The following FAT3 variants were observed in gnomAD, a reference collection of about 807,000 sequenced individuals.
The protein encoded by FAT3 is FAT atypical cadherin 3.
Under a neutral mutation model 310.2 loss-of-function variants are expected in FAT3, and 95 were observed. The observed-to-expected ratio is 0.31, with a 90% CI of 0.26 to 0.36. The LOEUF (loss-of-function observed/expected upper bound fraction) is 0.36, where lower values mean the gene tolerates loss of function less well. FAT3 is among the 10% of genes least tolerant of loss of function. The probability of loss-of-function intolerance (pLI) is 1.00; values close to 1 mark genes in which losing one functional copy is unlikely to be tolerated. For synonymous variants in FAT3, 2,314 were observed against 2,192.9 expected, an observed-to-expected ratio of 1.06 and a Z score of -1.54; for missense variants, 5,408 against 5,715.6, an observed-to-expected ratio of 0.95 and a Z score of 1.74.
At chr11:92,307,417 T>C (rs1947170126) in intron 1 of FAT3, among the ~76,000 whole-genome samples, 1 of 152,224 alleles carries the variant, frequency 6.6e-6, no homozygotes, top group African/African-American at 2.4e-5. Context: ...GAAAGCATTC[T>C]TGTATGCAGA....
At chr11:92,329,814 G>A (rs546559154) in intron 1 of FAT3, among the ~76,000 whole-genome samples, 1 of 4,310 alleles carries the variant, frequency 2.3e-4, no homozygotes, top group East Asian at 6.0e-3. Flanking sequence ...CAAACCTTTG[G>A]GAGCTTGCCT....
At chr11:92,455,344 G>A (rs1951469075) in intron 2 of FAT3, among the ~76,000 whole-genome samples, 1 of 152,148 alleles carries the variant, frequency 6.6e-6, no homozygotes, top group Admixed American at 6.6e-5. Flanking sequence ...TTGTGGCTCT[G>A]ACAAGCTCCT....
At chr11:92,573,850 G>A (rs891667084) in intron 3 of FAT3, among the ~76,000 whole-genome samples, 17 of 152,086 alleles carry the variant, frequency 1.1e-4, no homozygotes, top group African/African-American at 4.1e-4. Context: ...GAAAAAAAAT[G>A]TATGTTGTTT....
At chr11:92,227,176 A>T (rs1284235046) in intron 1 of FAT3, among the ~76,000 whole-genome samples, 2 of 151,730 alleles carry the variant, frequency 1.3e-5, no homozygotes, top group African/African-American at 4.8e-5. Flanking sequence ...AACCCAAACC[A>T]CTCGTGGCCA....
At chr11:92,683,830 TC>T (rs1490655104) in intron 3 of FAT3, among the ~76,000 whole-genome samples, 7 of 152,208 alleles carry the variant, frequency 4.6e-5, no homozygotes, top group Admixed American at 3.9e-4. Flanking sequence ...TAATATAATT[TC>T]AAACCTTAGT....
At position 92,601,504 on chromosome 11, in the gene FAT3, A is replaced by G. The variant is rs368809978; in HGVS notation, c.3607+76556A>G. Among the ~76,000 whole-genome samples, 7 of 152,352 alleles carry G rather than the reference A, an allele frequency of 4.6e-5. No individual in the cohort carries two copies. In the East Asian group the frequency reaches 1.4e-3, roughly 29 times the overall value. ...CAGCTACTTGGGAGGCTGAGGCAGG[A>G]GAATCACTTCAACCCAGGAGATGGA... On this transcript the variant is annotated intron_variant, in intron 3 of 27. Transcript: ENST00000525166.
chr11:92,353,835 A>T lies in FAT3; in HGVS notation c.1723A>T (p.Ser575Cys). 6.2e-7 allele frequency: 1 copy of T among 1,613,792 alleles called. No individual in the cohort carries two copies. Among genetic ancestry groups the T allele is most frequent in the Non-Finnish European group, 8.5e-7 (1 of 1,179,812 alleles). The change falls in exon 2 of 28, where the codon AGC (serine) becomes TGC (cysteine). Residue 575 changes from serine (S) to cysteine (C), a missense_variant. Ser to Cys is a moderately radical substitution (Grantham distance 112). Coordinates refer to ENST00000525166, the MANE Select transcript of FAT3 (RefSeq NM_001367949.2). ...TIRIGNVNDNSPLFEKVACQG... is the reference protein window; with the variant it reads ...TIRIGNVNDNCPLFEKVACQG... ...TCGAATAGGAAATGTCAACGACAAC[A>T]GCCCTCTCTTTGAAAAAGTGGCTTG...
rs143080604 is a variant in FAT3 at position 92,341,589 on chromosome 11, T to C, written c.-17-10507T>C. On this transcript the variant is annotated intron_variant, in intron 1 of 27. Coordinates refer to ENST00000525166, the MANE Select transcript of FAT3 (RefSeq NM_001367949.2). ...TCTGGATTGTCAGCAAACTTTTGGA[T>C]TGTATTCCTTGACCCACATGCAAGC... Among the ~76,000 whole-genome samples the C allele has an allele frequency of 2.2e-3, 338 of 152,332 alleles. 2 individuals carry two copies. Among genetic ancestry groups the C allele is most frequent in the Middle Eastern group, 0.014 (4 of 294 alleles).
chr11:92,859,135 A>G, intron 20 of FAT3, 30 bp from the exon 21 acceptor site: 1 of 1,602,640 alleles, frequency 6.2e-7, no homozygotes, highest in South Asian at 1.1e-5. Context: ...TGTTAAAAAT[A>G]TATATGTCTT....
At chr11:92,337,545 C>T (rs1948121958) in intron 1 of FAT3, among the ~76,000 whole-genome samples, 1 of 152,182 alleles carries the variant, frequency 6.6e-6, no homozygotes, top group Admixed American at 6.5e-5. Flanking sequence ...CATCCTCCTG[C>T]CTCAGCCTCC....
intron 2 of FAT3, among the ~76,000 whole-genome samples, chr11:92,423,503 G>A (rs1330001973): frequency 2.6e-5 from 4 of 152,136 alleles, no homozygotes. Context: ...TCCACGATGT[G>A]TTTCTGAGGG....
At chr11:92,677,004 G>T (rs1565505473) in intron 3 of FAT3, among the ~76,000 whole-genome samples, 1 of 152,198 alleles carries the variant, frequency 6.6e-6, no homozygotes, top group African/African-American at 2.4e-5. Context: ...TAAAGACACA[G>T]TTGTTGAAAT....
Position 92,355,161 on chromosome 11 carries a change from C to T in FAT3, c.3049C>T (p.Arg1017Trp), listed in dbSNP as rs756949096. ...NLTVRAKDKG[R>W]PVSLSSVSFV... ...TACTGTGCGGGCCAAAGACAAAGGG[C>T]GGCCTGTCTCTCTGTCATCTGTTTC... is the stretch of plus-strand genomic sequence containing the variant. Residue 1017 changes from arginine (R) to tryptophan (W), a missense_variant, in exon 2 of 28, where the codon CGG (arginine) becomes TGG (tryptophan). Physicochemically the swap from Arg to Trp is moderately radical, Grantham distance 101. Coordinates refer to ENST00000525166, the MANE Select transcript of FAT3 (RefSeq NM_001367949.2). 1.1e-5 allele frequency: 17 copies of T among 1,613,746 alleles called. No homozygotes were observed. Among genetic ancestry groups the T allele is most frequent in the East Asian group, 2.2e-5 (1 of 44,870 alleles).
chr11:92,751,147 C>T (rs917597406), intron 4 of FAT3, among the ~76,000 whole-genome samples: 3 of 152,168 alleles, frequency 2.0e-5, no homozygotes, highest in African/African-American at 7.2e-5. Flanking sequence ...GGTGGCCATG[C>T]CCATGGGGTG....
intron 3 of FAT3, among the ~76,000 whole-genome samples, chr11:92,551,819 A>G (rs1216504717): frequency 6.6e-6 from 1 of 152,204 alleles, no homozygotes; most frequent in Non-Finnish European, 1.5e-5. Context: ...AAAAACAAAA[A>G]CAAAGAAAAC....
chr11:92,401,888 C>T (rs924579227), intron 2 of FAT3, among the ~76,000 whole-genome samples: 1 of 152,188 alleles, frequency 6.6e-6, no homozygotes, highest in Non-Finnish European at 1.5e-5. Context: ...CACCAATGGC[C>T]TATTTACTTC....
At chr11:92,853,700 A>T (rs1163889233) in intron 19 of FAT3, among the ~76,000 whole-genome samples, 1 of 152,142 alleles carries the variant, frequency 6.6e-6, no homozygotes, top group Admixed American at 6.5e-5. Flanking sequence ...TCCAGCTCTC[A>T]GCAGAAAGGA....
intron 2 of FAT3, among the ~76,000 whole-genome samples, chr11:92,505,949 A>G (rs1467768777): frequency 6.6e-6 from 1 of 152,084 alleles, no homozygotes; most frequent in East Asian, 1.9e-4. Context: ...CAGTCTGTCT[A>G]GTTGCGGGGT....
At chr11:92,634,559 C>T (rs1270092904) in intron 3 of FAT3, among the ~76,000 whole-genome samples, 1 of 152,180 alleles carries the variant, frequency 6.6e-6, no homozygotes, top group African/African-American at 2.4e-5. Context: ...TACTGCTCAT[C>T]TATTCCAAAG....
Sources: gnomAD v4.1 joint callset for allele counts (sites outside exome capture counted in the v4.1 genomes callset) on GRCh38, gnomAD v4.1.1 for gene constraint, MANE v1.5 for transcripts, NCBI Gene and HGNC (gene_info 2026-07-23, HGNC 2026-07-21) for gene names.